LRRIQ1: variants seen among roughly 807,000 people sequenced by gnomAD.
LRRIQ1 encodes the protein leucine rich repeats and IQ motif containing 1.
In LRRIQ1, 210 loss-of-function variants were observed where a neutral mutation model predicts 211.9. The observed-to-expected ratio is 0.99, with a 90% CI of 0.89 to 1.11. The LOEUF is 1.11. Among genes scored for constraint, LRRIQ1 ranks in the 50% most tolerant of loss-of-function variants. The probability of loss-of-function intolerance (pLI) is 0.00; values close to 1 mark genes in which losing one functional copy is unlikely to be tolerated. For missense variants in LRRIQ1, 2,136 were observed against 1,939.5 expected, an observed-to-expected ratio of 1.10 and a Z score of -1.90; for synonymous variants, 699 against 650.1, an observed-to-expected ratio of 1.08 and a Z score of -1.14.
intron 26 of LRRIQ1, among the ~76,000 whole-genome samples, chr12:85,238,818 G>A (rs972358760): frequency 3.3e-5 from 5 of 151,916 alleles, no homozygotes; most frequent in Non-Finnish European, 5.9e-5. Flanking sequence ...AATCTGATTG[G>A]AAAAGAAAAC....
chr12:85,176,210 G>A (rs1243164164), intron 24 of LRRIQ1, among the ~76,000 whole-genome samples: 2 of 151,986 alleles, frequency 1.3e-5, no homozygotes, highest in African/African-American at 4.8e-5. Context: ...TCTCCTTGAG[G>A]AGGTCCTTCA....
At chr12:85,097,731 T>G (rs1350635741) in intron 11 of LRRIQ1, among the ~76,000 whole-genome samples, 1 of 152,186 alleles carries the variant, frequency 6.6e-6, no homozygotes, top group Non-Finnish European at 1.5e-5. Flanking sequence ...CAGCATCTTT[T>G]TCTCATGCTA....
intron 26 of LRRIQ1, 47 bp from the exon 27 acceptor site, chr12:85,244,742 C>T: frequency 6.5e-7 from 1 of 1,531,960 alleles, no homozygotes; most frequent in Non-Finnish European, 9.0e-7. Flanking sequence ...TCAGAAAATG[C>T]CATATTTTGT....
chr12:85,195,240 A>G (rs982582566), intron 24 of LRRIQ1, among the ~76,000 whole-genome samples: 4 of 151,930 alleles, frequency 2.6e-5, no homozygotes, highest in African/African-American at 9.7e-5. Flanking sequence ...ATTCTACCAG[A>G]GGTACAAGGA....
intron 24 of LRRIQ1, among the ~76,000 whole-genome samples, chr12:85,192,660 AAT>A (rs564222943): frequency 1.8e-5 from 1 of 55,794 alleles, no homozygotes; most frequent in Non-Finnish European, 2.6e-5. Flanking sequence ...TATAATTATA[AAT>A]ATATAGTTAT....
chr12:85,260,095 A>G (rs1463479473), intron 1 of LRRIQ1, among the ~76,000 whole-genome samples: 1 of 150,108 alleles, frequency 6.7e-6, no homozygotes, highest in Non-Finnish European at 1.5e-5. Flanking sequence ...TACAAAAAGT[A>G]CTACCCTCCT....
rs1285385984 is a variant in LRRIQ1 at position 85,132,929 on chromosome 12, C to G, written c.4209+4896C>G. ...TGCCAATCATAAAGAGGGCAAAGAG[C>G]TGATGGTATGCTCCATAATGGGTAA... On this transcript the variant is annotated intron_variant, in intron 18 of 26. Transcript: ENST00000393217. Among the ~76,000 whole-genome samples, 3 of 151,564 alleles carry G rather than the reference C, an allele frequency of 2.0e-5. No homozygotes were observed. The East Asian group carries it at 5.8e-4, about 29-fold the overall frequency.
At chr12:85,186,052 A>G (rs1892215288) in intron 24 of LRRIQ1, among the ~76,000 whole-genome samples, 1 of 152,104 alleles carries the variant, frequency 6.6e-6, no homozygotes, top group Admixed American at 6.6e-5. Flanking sequence ...TTTAAATAAT[A>G]TTTAAATAAC....
At chr12:85,212,130 C>T (rs1893864965) in intron 24 of LRRIQ1, among the ~76,000 whole-genome samples, 1 of 151,628 alleles carries the variant, frequency 6.6e-6, no homozygotes, top group South Asian at 2.1e-4. Flanking sequence ...ACAATAACAA[C>T]AAAAAGTAGC....
chr12:85,236,398 A>G (rs935519712), intron 26 of LRRIQ1, among the ~76,000 whole-genome samples: 2 of 152,150 alleles, frequency 1.3e-5, no homozygotes, highest in Non-Finnish European at 2.9e-5. Context: ...AGGTAACCCA[A>G]TGAATACATT....
At chr12:85,252,777 T>C (rs1218157445) in intron 1 of LRRIQ1, among the ~76,000 whole-genome samples, 1 of 151,966 alleles carries the variant, frequency 6.6e-6, no homozygotes, top group Non-Finnish European at 1.5e-5. Flanking sequence ...AAGTTAATAA[T>C]ACTTTAAATT....
chr12:85,249,662 C>A (rs1257517624), downstream of LRRIQ1, among the ~76,000 whole-genome samples: 2 of 151,900 alleles, frequency 1.3e-5, no homozygotes, highest in African/African-American at 4.8e-5. Context: ...AATATATGAG[C>A]CATTGTTGCT....
intron 18 of LRRIQ1, among the ~76,000 whole-genome samples, chr12:85,134,287 G>T (rs1888970109): frequency 6.6e-6 from 1 of 152,060 alleles, no homozygotes; most frequent in Non-Finnish European, 1.5e-5. Context: ...ATACACAGTG[G>T]GAGGTCCTTA....
intron 10 of LRRIQ1, among the ~76,000 whole-genome samples, chr12:85,069,238 G>T (rs1008168956): frequency 6.6e-6 from 1 of 151,762 alleles, no homozygotes; most frequent in African/African-American, 2.4e-5. Context: ...ATGGTTTCCA[G>T]TTTCATCCAT....
At chr12:85,104,157 T>C (rs1439311888) in intron 14 of LRRIQ1, 80 bp downstream of exon 14, 5 of 635,882 alleles carry the variant, frequency 7.9e-6, no homozygotes, top group Non-Finnish European at 1.2e-5. Context: ...TTGTTTTAAA[T>C]GCATAAGTTA....
chr12:85,261,148 G>A (rs985244542), intron 1 of LRRIQ1, among the ~76,000 whole-genome samples: 1 of 152,056 alleles, frequency 6.6e-6, no homozygotes. Flanking sequence ...CTCTAGCTCC[G>A]TTACAGACTA....
chr12:85,046,185 A>T, intron 5 of LRRIQ1, 48 bp downstream of exon 5: 1 of 1,126,444 alleles, frequency 8.9e-7, no homozygotes, highest in South Asian at 1.5e-5. Context: ...TATATGATTG[A>T]TCATAGTTAT....
At chr12:85,257,535 C>G (rs983472584) in intron 1 of LRRIQ1, among the ~76,000 whole-genome samples, 1 of 151,464 alleles carries the variant, frequency 6.6e-6, no homozygotes, top group Non-Finnish European at 1.5e-5. Flanking sequence ...TTCTTAACTG[C>G]TTATTGGATT....
intron 15 of LRRIQ1, 48 bp from the exon 16 acceptor site, chr12:85,121,649 T>A (rs1314069941): frequency 7.4e-7 from 1 of 1,355,840 alleles, no homozygotes; most frequent in Non-Finnish European, 1.0e-6. Flanking sequence ...AGATACATAC[T>A]CTCCTTATCA....
Sources: allele counts gnomAD v4.1 joint callset (sites outside exome capture counted in the v4.1 genomes callset), GRCh38; gene constraint gnomAD v4.1.1; transcripts MANE v1.5; gene names NCBI Gene and HGNC (gene_info 2026-07-23, HGNC 2026-07-21).